Variants in PID1 observed in about 807,000 individuals in gnomAD.
PID1 encodes phosphotyrosine interaction domain containing 1.
Under a neutral mutation model 19.1 loss-of-function variants are expected in PID1, and 10 were observed. The observed-to-expected ratio is 0.52, with a 90% CI of 0.32 to 0.89. The LOEUF is 0.89. Ranked by LOEUF, PID1 falls within the 40% of genes least tolerant of loss-of-function variation. The probability of loss-of-function intolerance (pLI) is 0.03; values close to 1 mark genes in which losing one functional copy is unlikely to be tolerated. For synonymous variants in PID1, 130 were observed against 116.0 expected (o/e 1.12, Z -0.78); for missense variants, 248 against 285.3 (o/e 0.87, Z 0.94).
chr2:229,271,163 C>A lies in PID1; in HGVS notation c.-120G>T, dbSNP rs1690728801. 7 of 1,117,840 alleles carry A rather than the reference C, an allele frequency of 6.3e-6. No individual in the cohort carries two copies. Among genetic ancestry groups the A allele is most frequent in the South Asian group, 3.0e-5 (2 of 65,578 alleles). The allele number at this position is 1,117,840 out of a possible 1,614,324, so 69.2% of individuals were successfully genotyped here. On this transcript the variant is annotated 5_prime_UTR_variant, in exon 1 of 3. Transcript: ENST00000392055. ...GGTGTCCGCGGGATGTGCGTCCTGG[C>A]GCTGGCCACCGCCGCCGGGTGGGCG...
intron 2 of PID1, among the ~76,000 whole-genome samples, chr2:229,114,825 A>C (rs1366534343): frequency 6.6e-6 from 1 of 152,196 alleles, no homozygotes; most frequent in Non-Finnish European, 1.5e-5. Context: ...CCTGTGTCTT[A>C]TGAAGCTCTA....
chr2:229,199,720 TTATATA>T (rs55942947), intron 1 of PID1, among the ~76,000 whole-genome samples: 1,984 of 132,154 alleles, frequency 0.015, 39 homozygotes, highest in African/African-American at 0.051. Flanking sequence ...AATATCTAAT[TTATATA>T]TATATATATA....
At chr2:229,108,777 G>A (rs990134566) in intron 2 of PID1, among the ~76,000 whole-genome samples, 2 of 152,118 alleles carry the variant, frequency 1.3e-5, no homozygotes, top group Admixed American at 1.3e-4. Flanking sequence ...AAGGAGCCTG[G>A]ACACAGTCGT....
At chr2:229,100,894 A>G (rs1351712872) in intron 2 of PID1, among the ~76,000 whole-genome samples, 1 of 152,232 alleles carries the variant, frequency 6.6e-6, no homozygotes, top group Non-Finnish European at 1.5e-5. Flanking sequence ...TCACAGCATA[A>G]GGTCTGGCGA....
At chr2:229,085,797 C>T (rs1574616711) in intron 2 of PID1, among the ~76,000 whole-genome samples, 1 of 151,810 alleles carries the variant, frequency 6.6e-6, no homozygotes, top group Non-Finnish European at 1.5e-5. Flanking sequence ...TGCATCATAC[C>T]AAATAATATT....
At chr2:229,226,224 CT>C (rs1692074945) in intron 1 of PID1, among the ~76,000 whole-genome samples, 2 of 152,302 alleles carry the variant, frequency 1.3e-5, no homozygotes, top group East Asian at 3.9e-4. Flanking sequence ...GAGTCTGACA[CT>C]TAGGCAGCAG....
chr2:229,084,545 T>A lies in PID1; in HGVS notation c.178-58437A>T, dbSNP rs529248380. Among the ~76,000 whole-genome samples, 6 of 152,344 alleles carry A rather than the reference T, an allele frequency of 3.9e-5. No homozygotes were observed. The South Asian group carries it at 1.2e-3, about 32-fold the overall frequency. ...GAATTGCGACTGTCTCATCCCATCC[T>A]GCCAAGATAAATGGTTTCTTTTCTA... On this transcript the variant is annotated intron_variant, in intron 2 of 2. Transcript: ENST00000392055.
At chr2:229,085,213 C>T (rs1694741321) in intron 2 of PID1, among the ~76,000 whole-genome samples, 1 of 147,688 alleles carries the variant, frequency 6.8e-6, no homozygotes, top group Non-Finnish European at 1.5e-5. Flanking sequence ...CCTCATACTA[C>T]ATATACTTGT....
At chr2:229,227,961 GTCTTGACTA>G (rs1318422456) in intron 1 of PID1, 1 of 455,934 alleles carries the variant, frequency 2.2e-6, no homozygotes, top group Non-Finnish European at 4.4e-6. Flanking sequence ...TCATACCACG[GTCTTGACTA>G]TCTGTAGATT....
At chr2:229,267,254 G>A (rs1196028075) in intron 1 of PID1, among the ~76,000 whole-genome samples, 2 of 152,150 alleles carry the variant, frequency 1.3e-5, no homozygotes, top group African/African-American at 4.8e-5. Context: ...CCCTCTTGTG[G>A]AAGTGCTAGT....
In PID1 at chr2:229,164,321, A is replaced by G. The variant is rs147800149; in HGVS notation, c.31-8357T>C. On this transcript the variant is annotated intron_variant, in intron 1 of 2. Coordinates refer to ENST00000392055, the MANE Select transcript of PID1 (RefSeq NM_001100818.2). ...CTACTCATGAAAAAAAAAAAATTCAAGTATAGCTGAATTGACTCCTACCTG... is the reference window on the plus strand; with the variant it reads ...CTACTCATGAAAAAAAAAAAATTCAGGTATAGCTGAATTGACTCCTACCTG... Among the ~76,000 whole-genome samples the G allele has an allele frequency of 2.0e-4, 30 of 152,322 alleles. 1 individual carries two copies. In the East Asian group the frequency reaches 5.2e-3, roughly 26 times the overall value.
intron 1 of PID1, among the ~76,000 whole-genome samples, chr2:229,242,082 G>A (rs1301586999): frequency 4.0e-5 from 6 of 151,894 alleles, no homozygotes; most frequent in Non-Finnish European, 5.9e-5. Flanking sequence ...TTTCACCCAG[G>A]CTTTTCTCAA....
intron 1 of PID1, among the ~76,000 whole-genome samples, chr2:229,259,719 G>A (rs960349521): frequency 9.9e-5 from 15 of 152,110 alleles, no homozygotes; most frequent in African/African-American, 2.2e-4. Context: ...TTCTTCAGTC[G>A]CTATGGTCTA....
intron 2 of PID1, among the ~76,000 whole-genome samples, chr2:229,152,328 A>AC (rs1690274486): frequency 6.6e-6 from 1 of 152,180 alleles, no homozygotes; most frequent in South Asian, 2.1e-4. Context: ...TGATACTCAC[A>AC]CAAGTTTCAG....
rs1690731469 is a variant in PID1, at chr2:229,271,246, G to T, written c.-203C>A. The T allele has an allele frequency of 2.1e-6, 1 of 466,286 alleles. No individual in the cohort carries two copies. Among genetic ancestry groups the T allele is most frequent in the Admixed American group, 4.4e-5 (1 of 22,828 alleles). 28.9% of individuals were successfully genotyped at this position (466,286 alleles called of 1,614,324 possible). A position where few individuals can be genotyped will look rare whatever the true frequency, so the allele number is the denominator to read the frequency against. On this transcript the variant is annotated 5_prime_UTR_variant, in exon 1 of 3. Coordinates refer to ENST00000392055, the MANE Select transcript of PID1 (RefSeq NM_001100818.2). ...TCAGCTGCCGGCAACTTGTGGGCAC[G>T]GCCGCGCGCCGGCTGTCCTGGCGCA...
intron 1 of PID1, among the ~76,000 whole-genome samples, chr2:229,211,449 T>C (rs1691731595): frequency 6.6e-6 from 1 of 152,194 alleles, no homozygotes. Context: ...TTTATTTGCA[T>C]GCTTGTGGTT....
intron 2 of PID1, among the ~76,000 whole-genome samples, chr2:229,067,042 C>A (rs1342955146): frequency 6.6e-6 from 1 of 152,048 alleles, no homozygotes; most frequent in Non-Finnish European, 1.5e-5. Context: ...TTCTGCAGGG[C>A]TAGGGAGGCC....
chr2:229,257,000 T>G (rs1690318818), intron 1 of PID1, among the ~76,000 whole-genome samples: 1 of 152,174 alleles, frequency 6.6e-6, no homozygotes, highest in Non-Finnish European at 1.5e-5. Context: ...TTTCCACTGT[T>G]TAACAGTCTG....
At chr2:229,199,974 T>C (rs1054939222) in intron 1 of PID1, among the ~76,000 whole-genome samples, 7 of 151,942 alleles carry the variant, frequency 4.6e-5, no homozygotes, top group Non-Finnish European at 1.0e-4. Flanking sequence ...CAATTGCTAA[T>C]AATTGTATTT....
Sources: gnomAD v4.1 joint callset for allele counts (sites outside exome capture counted in the v4.1 genomes callset) on GRCh38, gnomAD v4.1.1 for gene constraint, MANE v1.5 for transcripts, NCBI Gene and HGNC (gene_info 2026-07-23, HGNC 2026-07-21) for gene names.